The following GNAQ variants were observed in gnomAD, a reference collection of about 807,000 sequenced individuals.
GNAQ encodes the protein G protein subunit alpha q.
A neutral mutation model predicts 43.9 loss-of-function variants in GNAQ; 8 were observed. That is an observed-to-expected ratio of 0.18 (90% CI 0.11 to 0.33). The LOEUF is 0.33. Among genes scored for constraint, GNAQ ranks in the 10% least tolerant of loss-of-function variants. The pLI, the probability that GNAQ is intolerant of heterozygous loss-of-function variation, is 1.00. For missense variants in GNAQ, 158 were observed against 450.8 expected (o/e 0.35, Z 5.88); for synonymous variants, 155 against 170.7 (o/e 0.91, Z 0.71).
Position 77,904,232 on chromosome 9 carries a change from A to G in GNAQ, c.321+17929T>C, listed in dbSNP as rs143375144. ...GGCATACTTACACTTTTAGTTTAGC[A>G]AAAAGCTGACTGTGGAAACTGTAAA... is the stretch of plus-strand genomic sequence containing the variant. On this transcript the variant is annotated intron_variant, in intron 2 of 6. Transcript: ENST00000286548. 5.9e-4 allele frequency among the ~76,000 whole-genome samples: 89 copies of G among 151,328 alleles called. 1 individual carries two copies. The highest frequency in any genetic ancestry group is 8.8e-4 in the Non-Finnish European group (60 of 67,920).
chr9:77,923,135 C>G (rs1829021917), intron 1 of GNAQ, among the ~76,000 whole-genome samples: 2 of 152,012 alleles, frequency 1.3e-5, no homozygotes, highest in Non-Finnish European at 2.9e-5. Context: ...CCCATTTTCT[C>G]CAATTTTAAA....
At chr9:77,865,689 C>T (rs967408059) in intron 2 of GNAQ, among the ~76,000 whole-genome samples, 1 of 152,146 alleles carries the variant, frequency 6.6e-6, no homozygotes, top group East Asian at 1.9e-4. Flanking sequence ...CTCTCTGTCC[C>T]GTGGCAAGTC....
chr9:78,023,120 G>T (rs1823931108), intron 1 of GNAQ, among the ~76,000 whole-genome samples: 1 of 152,162 alleles, frequency 6.6e-6, no homozygotes, highest in Admixed American at 6.5e-5. Context: ...CTAACTCTCT[G>T]CTGGTAATCA....
At chr9:77,974,663 T>G (rs894586421) in intron 1 of GNAQ, among the ~76,000 whole-genome samples, 7 of 152,036 alleles carry the variant, frequency 4.6e-5, no homozygotes, top group Non-Finnish European at 1.0e-4. Flanking sequence ...GGCTGCCTAG[T>G]GCTATAGCTG....
chr9:78,026,429 AGG>A (rs1823981131), intron 1 of GNAQ, among the ~76,000 whole-genome samples: 3 of 152,260 alleles, frequency 2.0e-5, no homozygotes, highest in Admixed American at 6.5e-5. Flanking sequence ...ACAACAAAAA[AGG>A]GAACTGTATC....
At chr9:77,773,366 T>C (rs3780303) in intron 5 of GNAQ, among the ~76,000 whole-genome samples, 82,423 of 152,078 alleles carry the variant, frequency 0.54, 25,120 homozygotes, top group Middle Eastern at 0.69. Flanking sequence ...TACCTTAAAA[T>C]TGATAGTATG....
chr9:77,949,181 G>A (rs1024848139), intron 1 of GNAQ, among the ~76,000 whole-genome samples: 7 of 152,142 alleles, frequency 4.6e-5, no homozygotes, highest in Non-Finnish European at 7.3e-5. Flanking sequence ...GGCAAAACTG[G>A]TATGTGAACC....
At chr9:77,914,919 G>C (rs958431046) in intron 2 of GNAQ, among the ~76,000 whole-genome samples, 8 of 151,840 alleles carry the variant, frequency 5.3e-5, no homozygotes, top group African/African-American at 1.9e-4. Context: ...TATTGGGCTG[G>C]AGACCATTAT....
chr9:77,846,462 G>A (rs1395834049), intron 2 of GNAQ, among the ~76,000 whole-genome samples: 1 of 152,172 alleles, frequency 6.6e-6, no homozygotes, highest in Non-Finnish European at 1.5e-5. Flanking sequence ...TAGGAAAAAA[G>A]AATGAAGGGG....
intron 5 of GNAQ, among the ~76,000 whole-genome samples, chr9:77,740,510 G>C (rs1456198790): frequency 2.6e-5 from 4 of 152,136 alleles, no homozygotes; most frequent in Non-Finnish European, 4.4e-5. Context: ...CAAATGATAA[G>C]AAAGCAGGTG....
chr9:78,004,206 T>C (rs1313566540), intron 1 of GNAQ, among the ~76,000 whole-genome samples: 1 of 148,262 alleles, frequency 6.7e-6, no homozygotes, highest in East Asian at 2.0e-4. Context: ...AAAGTTGGTA[T>C]ATAAATACTC....
At chr9:77,985,663 C>T (rs1207148394) in intron 1 of GNAQ, among the ~76,000 whole-genome samples, 1 of 152,076 alleles carries the variant, frequency 6.6e-6, no homozygotes, top group Non-Finnish European at 1.5e-5. Flanking sequence ...CGGCTTACTG[C>T]AATCTCTCTG....
At position 77,716,562 on chromosome 9, in the gene GNAQ, C is replaced by G. The variant is rs1450913650; in HGVS notation, c.*4761G>C. On this transcript the variant is annotated 3_prime_UTR_variant, in exon 7 of 7. Transcript: ENST00000286548. Reference sequence around the variant, plus strand: ...AGTTCTTTGAGGAAAAGAAATCCACCAAAAACGTGTTTCAGTCAAAGTAAC... The same window carrying G: ...AGTTCTTTGAGGAAAAGAAATCCACGAAAAACGTGTTTCAGTCAAAGTAAC... The G allele has an allele frequency of 4.7e-5, 11 of 232,646 alleles. No individual in the cohort carries two copies. 14.4% of individuals were successfully genotyped at this position (232,646 alleles called of 1,614,324 possible).
chr9:77,780,925 C>T (rs922618131), intron 5 of GNAQ, among the ~76,000 whole-genome samples: 2 of 147,648 alleles, frequency 1.4e-5, no homozygotes, highest in Non-Finnish European at 3.0e-5. Context: ...AATGTCTCTT[C>T]AGATCATTTG....
intron 2 of GNAQ, among the ~76,000 whole-genome samples, chr9:77,859,993 C>T (rs1019874573): frequency 1.3e-5 from 2 of 152,196 alleles, no homozygotes; most frequent in Admixed American, 6.5e-5. Context: ...CATAAATGCA[C>T]AGACATCTAT....
At chr9:77,869,968 G>A (rs1305618368) in intron 2 of GNAQ, among the ~76,000 whole-genome samples, 5 of 152,228 alleles carry the variant, frequency 3.3e-5, no homozygotes, top group African/African-American at 1.2e-4. Context: ...TATAGACATA[G>A]ATTCTCTTCT....
intron 1 of GNAQ, among the ~76,000 whole-genome samples, chr9:77,952,443 A>C (rs1330320969): frequency 6.6e-6 from 1 of 152,216 alleles, no homozygotes; most frequent in Non-Finnish European, 1.5e-5. Flanking sequence ...TATAACAAAA[A>C]TATTGATGAC....
In GNAQ at chr9:77,721,526, A is replaced by G. The variant is rs558410927; in HGVS notation, c.890-13T>C. 2 of 1,549,646 alleles carry G rather than the reference A, an allele frequency of 1.3e-6. No homozygotes were observed. The highest frequency in any genetic ancestry group is 2.3e-5 in the South Asian group (2 of 88,648). ...TCTCTCTGGGGTCCTTTCGGCCAAG[A>G]GACAAGAGGGACACTTTGTTACCTA... is the stretch of plus-strand genomic sequence containing the variant. On this transcript the variant is annotated splice_polypyrimidine_tract_variant and intron_variant, in intron 6 of 6. Coordinates refer to ENST00000286548, the MANE Select transcript of GNAQ (RefSeq NM_002072.5).
At chr9:77,917,391 GA>G (rs1828927075) in intron 2 of GNAQ, among the ~76,000 whole-genome samples, 2 of 151,950 alleles carry the variant, frequency 1.3e-5, no homozygotes, top group African/African-American at 4.8e-5. Context: ...AAGAAGGTAA[GA>G]AAAAATAACT....
Sources: gnomAD v4.1 joint callset for allele counts (sites outside exome capture counted in the v4.1 genomes callset) on GRCh38, gnomAD v4.1.1 for gene constraint, MANE v1.5 for transcripts, NCBI Gene and HGNC (gene_info 2026-07-23, HGNC 2026-07-21) for gene names.